The following AGMO variants were observed in gnomAD, a reference collection of about 807,000 sequenced individuals.
The protein encoded by AGMO is alkylglycerol monooxygenase.
In AGMO, 75 loss-of-function variants were observed where a neutral mutation model predicts 60.2. The ratio of observed to expected loss-of-function variants is 1.25; its 90% CI spans 1.03 to 1.51. The LOEUF is 1.51. AGMO is among the 40% of genes most tolerant of loss of function. AGMO has a pLI of 0.00. For synonymous variants in AGMO, 261 were observed against 177.1 expected (o/e 1.47, Z -3.76); for missense variants, 763 against 525.5 (o/e 1.45, Z -4.42).
At position 15,466,080 on chromosome 7, in the gene AGMO, A is replaced by G. The variant is rs975279771; in HGVS notation, c.410-34972T>C. Among the ~76,000 whole-genome samples the G allele has an allele frequency of 3.3e-5, 5 of 152,176 alleles. No homozygotes were observed. The East Asian group carries it at 9.7e-4, about 29-fold the overall frequency. ...CAAAATCTTGGTCCTTAGGGATCTC[A>G]TGTTTTATTTTTCTGAAGCCTACTC... is the stretch of plus-strand genomic sequence containing the variant. On this transcript the variant is annotated intron_variant, in intron 3 of 12. Transcript: ENST00000342526.
chr7:15,275,798 C>T (rs900078009), intron 12 of AGMO, among the ~76,000 whole-genome samples: 1 of 150,266 alleles, frequency 6.7e-6, no homozygotes, highest in Non-Finnish European at 1.5e-5. Context: ...ATGCTTTTGT[C>T]TTTTTTTTTA....
intron 12 of AGMO, among the ~76,000 whole-genome samples, chr7:15,314,216 C>G (rs766824572): frequency 6.6e-6 from 1 of 151,998 alleles, no homozygotes; most frequent in Non-Finnish European, 1.5e-5. Flanking sequence ...TCAGGCTACT[C>G]ATAATGGTGC....
intron 5 of AGMO, among the ~76,000 whole-genome samples, chr7:15,405,712 A>T (rs1784667312): frequency 6.6e-6 from 1 of 151,924 alleles, no homozygotes; most frequent in African/African-American, 2.4e-5. Flanking sequence ...GGTGAGTATG[A>T]TTACTGTTAC....
At chr7:15,225,929 ACTAT>A (rs930116220) in intron 12 of AGMO, among the ~76,000 whole-genome samples, 1 of 151,978 alleles carries the variant, frequency 6.6e-6, no homozygotes, top group Non-Finnish European at 1.5e-5. Context: ...CATCTAATCC[ACTAT>A]CTATCTGACA....
chr7:15,356,032 C>T (rs1782516552), intron 12 of AGMO, among the ~76,000 whole-genome samples: 1 of 152,148 alleles, frequency 6.6e-6, no homozygotes, highest in African/African-American at 2.4e-5. Flanking sequence ...CAATCAGATA[C>T]TACTTAATTT....
At chr7:15,121,212 A>G in the AGMO span, among the ~76,000 whole-genome samples, 1 of 152,078 alleles carries the variant, frequency 6.6e-6, no homozygotes, top group Non-Finnish European at 1.5e-5. Context: ...TTCTTTATCC[A>G]GTCTATCATT....
chr7:15,397,051 ACCGGTC>A (rs1470960159), intron 5 of AGMO, among the ~76,000 whole-genome samples: 4 of 152,220 alleles, frequency 2.6e-5, no homozygotes, highest in South Asian at 4.1e-4. Context: ...CCAAGTCACC[ACCGGTC>A]CCAGAAGCCC....
chr7:15,321,482 T>G (rs1554413056), intron 12 of AGMO, among the ~76,000 whole-genome samples: 1 of 152,116 alleles, frequency 6.6e-6, no homozygotes, highest in Non-Finnish European at 1.5e-5. Flanking sequence ...ACCCAAAATT[T>G]ACATATGATA....
chr7:15,410,312 T>C (rs980580378), intron 5 of AGMO, among the ~76,000 whole-genome samples: 4 of 151,768 alleles, frequency 2.6e-5, no homozygotes, highest in African/African-American at 7.2e-5. Context: ...ACCACAATAA[T>C]TGAAATATTT....
At chr7:15,145,339 C>A in the AGMO span, among the ~76,000 whole-genome samples, 8 of 151,898 alleles carry the variant, frequency 5.3e-5, no homozygotes, top group African/African-American at 1.9e-4. Context: ...TAAAATAGCA[C>A]ACAGTTATTT....
At chr7:15,335,748 C>G (rs1486866978) in intron 12 of AGMO, among the ~76,000 whole-genome samples, 1 of 152,070 alleles carries the variant, frequency 6.6e-6, no homozygotes, top group Non-Finnish European at 1.5e-5. Context: ...GTTTTCACAT[C>G]TATAACTTAG....
chr7:15,387,463 C>G lies in AGMO; in HGVS notation c.900G>C (p.Lys300Asn). The G allele has an allele frequency of 6.2e-7, 1 of 1,614,040 alleles. No individual in the cohort carries two copies. The highest frequency in any genetic ancestry group is 8.5e-7 in the Non-Finnish European group (1 of 1,179,970). The change falls in exon 9 of 13, where the codon AAG (lysine) becomes AAC (asparagine). Residue 300 changes from lysine to asparagine, a missense_variant. Lys to Asn is a moderately conservative substitution (Grantham distance 94). Transcript: ENST00000342526. Reference sequence around the variant, plus strand: ...GTTTACCTGGACCCCATCCCGGTCCCTTAAATATGACAGAAAACTTATTGA... The same window carrying G: ...GTTTACCTGGACCCCATCCCGGTCCGTTAAATATGACAGAAAACTTATTGA... Reference protein sequence around the residue: ...GFFNKFSVIFKGPGWGPGKPR... With the variant: ...GFFNKFSVIFNGPGWGPGKPR...
chr7:15,377,874 T>C (rs906601306), intron 10 of AGMO, among the ~76,000 whole-genome samples: 3 of 152,002 alleles, frequency 2.0e-5, no homozygotes, highest in African/African-American at 7.2e-5. Flanking sequence ...GTTTGATGTT[T>C]AGGTGTGCAC....
At chr7:15,195,165 A>AC in the AGMO span, among the ~76,000 whole-genome samples, 1 of 152,026 alleles carries the variant, frequency 6.6e-6, no homozygotes, top group Non-Finnish European at 1.5e-5. Context: ...ACCAAACCTA[A>AC]CCCCCTGTAT....
chr7:15,369,289 C>A (rs951763134), intron 10 of AGMO, among the ~76,000 whole-genome samples: 9 of 152,020 alleles, frequency 5.9e-5, no homozygotes, highest in Non-Finnish European at 1.0e-4. Flanking sequence ...GCAGAGTGAT[C>A]CTTTTAAGCT....
At chr7:15,140,651 C>G in the AGMO span, among the ~76,000 whole-genome samples, 2 of 152,044 alleles carry the variant, frequency 1.3e-5, no homozygotes, top group Non-Finnish European at 2.9e-5. Context: ...TCTCTTCAGT[C>G]TAATCTAAAC....
chr7:15,268,088 C>G (rs922393832), intron 12 of AGMO, among the ~76,000 whole-genome samples: 1 of 151,170 alleles, frequency 6.6e-6, no homozygotes, highest in Non-Finnish European at 1.5e-5. Flanking sequence ...AATATGATAC[C>G]AAGAGTTATT....
downstream of AGMO, among the ~76,000 whole-genome samples, chr7:15,197,301 G>A (rs1781143965): frequency 6.6e-6 from 1 of 152,082 alleles, no homozygotes; most frequent in African/African-American, 2.4e-5. Flanking sequence ...TATACCATAT[G>A]TTAAAGAATT....
At chr7:15,279,634 A>G (rs1028786402) in intron 12 of AGMO, among the ~76,000 whole-genome samples, 8 of 152,254 alleles carry the variant, frequency 5.3e-5, no homozygotes, top group African/African-American at 1.9e-4. Context: ...CCAAGCAACA[A>G]TGCAGGAACT....
Sources: gnomAD v4.1 joint callset for allele counts (sites outside exome capture counted in the v4.1 genomes callset) on GRCh38, gnomAD v4.1.1 for gene constraint, MANE v1.5 for transcripts, NCBI Gene and HGNC (gene_info 2026-07-23, HGNC 2026-07-21) for gene names.